ZFY: variants seen among roughly 807,000 people sequenced by gnomAD.
The protein encoded by ZFY is zinc finger protein Y-linked, also known as zinc finger Y-chromosomal protein.
For synonymous variants in ZFY, 47 were observed against 55.8 expected, an observed-to-expected ratio of 0.84 and a Z score of 0.71; for missense variants, 113 against 170.9, an observed-to-expected ratio of 0.66 and a Z score of 1.89.
At chrY:2,959,566 CTAT>C (rs2051302537) in intron 2 of ZFY, among the ~76,000 whole-genome samples, 3 of 34,047 alleles carry the variant, frequency 8.8e-5, no homozygotes, top group African/African-American at 3.4e-4. Context: ...CTATTGCTGT[CTAT>C]TATTATGAAC....
intron 1 of ZFY, among the ~76,000 whole-genome samples, chrY:2,941,934 C>CTGTGTG (rs376986249): frequency 4.0e-4 from 11 of 27,474 alleles, no homozygotes; most frequent in South Asian, 2.6e-3. Context: ...CCAATATAAA[C>CTGTGTG]TGTGTGTGTG....
intron 1 of ZFY, among the ~76,000 whole-genome samples, chrY:2,948,449 A>G: frequency 2.9e-5 from 1 of 34,206 alleles, no homozygotes; most frequent in Non-Finnish European, 7.3e-5. Flanking sequence ...AAAGACTAAC[A>G]TTTGACTTTT....
chrY:2,973,534 C>G (rs1019599803), intron 3 of ZFY, among the ~76,000 whole-genome samples: 28 of 33,186 alleles, frequency 8.4e-4, no homozygotes, highest in Non-Finnish European at 1.9e-3. Context: ...TTCTTGGGGT[C>G]CTCCTCCTCT....
intron 3 of ZFY, among the ~76,000 whole-genome samples, chrY:2,972,252 C>A: frequency 3.1e-5 from 1 of 32,692 alleles, no homozygotes; most frequent in South Asian, 6.7e-4. Flanking sequence ...TGGGTTCTTA[C>A]ATCTTGTGTT....
chrY:2,944,494 G>A, intron 1 of ZFY, among the ~76,000 whole-genome samples: 1 of 31,059 alleles, frequency 3.2e-5, no homozygotes, highest in Non-Finnish European at 7.7e-5. Flanking sequence ...TCACCTGGAT[G>A]TTTAATATTT....
At chrY:2,946,861 A>G in intron 1 of ZFY, among the ~76,000 whole-genome samples, 3 of 31,153 alleles carry the variant, frequency 9.6e-5, no homozygotes, top group Admixed American at 2.9e-4. Flanking sequence ...TACGAAAAAA[A>G]ATTAGCTGGG....
At chrY:2,959,357 C>T (rs58154212) in intron 2 of ZFY, among the ~76,000 whole-genome samples, 5,219 of 33,040 alleles carry the variant, frequency 0.16, no homozygotes, top group African/African-American at 0.6. Context: ...TCACTATAGT[C>T]CTGTGAGGTG....
At chrY:2,950,537 G>T in intron 1 of ZFY, among the ~76,000 whole-genome samples, 1 of 33,762 alleles carries the variant, frequency 3.0e-5, no homozygotes, top group Non-Finnish European at 7.3e-5. Flanking sequence ...TGTTCTGGTT[G>T]TAGGAAGAAA....
At chrY:2,937,375 C>T in intron 1 of ZFY, among the ~76,000 whole-genome samples, 1 of 28,738 alleles carries the variant, frequency 3.5e-5, no homozygotes, top group Non-Finnish European at 8.1e-5. Context: ...AAAAAACTAG[C>T]AAGGCATGAC....
At chrY:2,958,146 T>A (rs73625102) in intron 2 of ZFY, among the ~76,000 whole-genome samples, 5,352 of 34,100 alleles carry the variant, frequency 0.16, no homozygotes, top group African/African-American at 0.6. Flanking sequence ...TTAAGTTTTA[T>A]CTGAGCGGAT....
At chrY:2,936,537 T>G (rs765359114) in intron 1 of ZFY, among the ~76,000 whole-genome samples, 6 of 34,036 alleles carry the variant, frequency 1.8e-4, no homozygotes, top group African/African-American at 6.9e-4. Context: ...CCCATTTATG[T>G]GGAAACACTT....
In ZFY at chrY:2,976,671, T is replaced by C. The variant is rs763007327; in HGVS notation, c.930T>C (p.Asn310=). 51 of 383,224 alleles carry C rather than the reference T, an allele frequency of 1.3e-4. No homozygotes were observed. Among genetic ancestry groups the C allele is most frequent in the Non-Finnish European group, 1.7e-4 (46 of 274,884 alleles). The part of the protein sequence containing the change: ...NDSQQEDEDL[N]VAEIADEVYM... ...ATTTTTTATTTATTTTGTGCTTAGA[T>C]GTTGCTGAAATTGCTGATGAAGTTT... is the stretch of plus-strand genomic sequence containing the variant. The change falls in exon 6 of 8, where the codon AAT becomes AAC. Residue 310 remains asparagine, a splice_region_variant and synonymous_variant. Transcript: ENST00000155093.
chrY:2,958,522 A>C (rs2051300106), intron 2 of ZFY, among the ~76,000 whole-genome samples: 1 of 33,578 alleles, frequency 3.0e-5, no homozygotes, highest in Non-Finnish European at 7.4e-5. Flanking sequence ...CCAGGAAATA[A>C]ACTATAAATC....
At chrY:2,937,500 A>G in intron 1 of ZFY, among the ~76,000 whole-genome samples, 6 of 31,010 alleles carry the variant, frequency 1.9e-4, no homozygotes, top group African/African-American at 5.1e-4. Flanking sequence ...AAAAAAAAAA[A>G]AAAAAAAAAA....
chrY:2,982,141 A>G lies in ZFY; in HGVS notation c.*2148A>G, dbSNP rs747566841. 1.8e-4 allele frequency: 6 copies of G among 33,836 alleles called. No individual in the cohort carries two copies. Among genetic ancestry groups the G allele is most frequent in the African/African-American group, 6.8e-4 (6 of 8,814 alleles). 8.4% of individuals were successfully genotyped at this position (33,836 alleles called of 400,897 possible). A position where few individuals can be genotyped will look rare whatever the true frequency, so the allele number is the denominator to read the frequency against. On this transcript the variant is annotated 3_prime_UTR_variant, in exon 8 of 8. Coordinates refer to ENST00000155093, the MANE Select transcript of ZFY (RefSeq NM_003411.4). ...TATTGAAACCTTTAAAAGGTAATTA[A>G]GCATTTGGTCAAGTAAATATAGAAC...
intron 3 of ZFY, among the ~76,000 whole-genome samples, chrY:2,962,928 A>AT (rs2051315819): frequency 2.0e-4 from 6 of 30,660 alleles, no homozygotes; most frequent in East Asian, 1.6e-3. Context: ...AGCTATTTCA[A>AT]TTTTTTTTTT....
chrY:2,939,106 ACCTT>A (rs2051233029), intron 1 of ZFY, among the ~76,000 whole-genome samples: 1 of 26,168 alleles, frequency 3.8e-5, no homozygotes, highest in African/African-American at 1.5e-4. Context: ...GCAATTGCAA[ACCTT>A]TTTAGATTCT....
chrY:2,976,060 G>C, intron 5 of ZFY, among the ~76,000 whole-genome samples: 1 of 31,374 alleles, frequency 3.2e-5, no homozygotes, highest in Middle Eastern at 0.016. Context: ...ATATGTGCCA[G>C]TATGTGGCTT....
At chrY:2,958,939 C>A in intron 2 of ZFY, among the ~76,000 whole-genome samples, 7 of 33,463 alleles carry the variant, frequency 2.1e-4, no homozygotes, top group Admixed American at 1.4e-3. Flanking sequence ...CCGTTAAGTA[C>A]TTTCAGGTTG....
Sources: gnomAD v4.1 joint callset for allele counts (sites outside exome capture counted in the v4.1 genomes callset) on GRCh38, gnomAD v4.1.1 for gene constraint, MANE v1.5 for transcripts, NCBI Gene and HGNC (gene_info 2026-07-23, HGNC 2026-07-21) for gene names.